Variants in SANBR observed in about 807,000 individuals in gnomAD.
The protein encoded by SANBR is SANT and BTB domain regulator of CSR, also known as SANT and BTB domain regulator of class switch recombination.
SANBR carries 77 observed loss-of-function variants against 101.8 expected under a neutral mutation model. That is an observed-to-expected ratio of 0.76 (90% CI 0.63 to 0.91). SANBR has a LOEUF of 0.91. Ranked by LOEUF, SANBR falls within the 40% of genes least tolerant of loss-of-function variation. The pLI is 0.00. For synonymous variants in SANBR, 279 were observed against 274.7 expected (o/e 1.02, Z -0.15); for missense variants, 875 against 853.0 (o/e 1.03, Z -0.32).
intron 16 of SANBR, among the ~76,000 whole-genome samples, 182 bp downstream of exon 16, chr2:61,109,478 C>T (rs542633104): frequency 6.6e-6 from 1 of 152,088 alleles, no homozygotes. Flanking sequence ...ATACTCAAAG[C>T]TGTAAAGAAA....
chr2:61,119,560 G>A (rs1684238344), intron 20 of SANBR, among the ~76,000 whole-genome samples: 1 of 152,014 alleles, frequency 6.6e-6, no homozygotes, highest in African/African-American at 2.4e-5. Context: ...ATGGGCAAAA[G>A]AGTAAACAGA....
intron 8 of SANBR, among the ~76,000 whole-genome samples, chr2:61,084,915 GGA>G (rs766616415): frequency 3.6e-4 from 55 of 152,180 alleles, no homozygotes; most frequent in Non-Finnish European, 4.9e-4. Context: ...AATGATGTGG[GGA>G]GAGAGAGAGG....
At chr2:61,126,342 C>CG (rs1237072497), downstream of SANBR, among the ~76,000 whole-genome samples, 2 of 152,182 alleles carry the variant, frequency 1.3e-5, no homozygotes, top group Admixed American at 6.5e-5. Flanking sequence ...CAGTTATTAA[C>CG]ATCTTTTTCA....
intron 1 of SANBR, among the ~76,000 whole-genome samples, chr2:61,067,015 C>T (rs1274771253): frequency 1.3e-5 from 2 of 151,934 alleles, no homozygotes; most frequent in South Asian, 2.1e-4. Context: ...TTCTTGTCAC[C>T]GTTTTTGATA....
intron 16 of SANBR, among the ~76,000 whole-genome samples, chr2:61,113,183 T>C (rs1050480458): frequency 1.3e-5 from 2 of 152,242 alleles, no homozygotes; most frequent in Non-Finnish European, 2.9e-5. Context: ...TTGATTCTTA[T>C]GTCTTTCTTT....
chr2:61,109,156 AT>A (rs1429822869), intron 15 of SANBR, 40 bp from the exon 16 acceptor site: 1 of 1,015,018 alleles, frequency 9.9e-7, no homozygotes, highest in Non-Finnish European at 1.4e-6. Context: ...TCAATAAAAA[AT>A]CATAATATTA....
At chr2:61,126,811 C>T, downstream of SANBR, among the ~76,000 whole-genome samples, 1 of 151,322 alleles carries the variant, frequency 6.6e-6, no homozygotes, top group Admixed American at 6.6e-5. Flanking sequence ...TACACTAGTC[C>T]TACATGGCCT....
At chr2:61,137,133 C>T (rs1410083611) in intron 21 of SANBR, among the ~76,000 whole-genome samples, 2 of 151,680 alleles carry the variant, frequency 1.3e-5, no homozygotes, top group South Asian at 2.1e-4. Context: ...AAAAAATTAG[C>T]GGGGCATGGT....
downstream of SANBR, among the ~76,000 whole-genome samples, chr2:61,126,769 C>CAAA (rs34858449): frequency 1.6e-4 from 17 of 109,168 alleles, no homozygotes; most frequent in Admixed American, 1.5e-3. Context: ...GCCACTGTCT[C>CAAA]AAAAAAAAAA....
chr2:61,071,838 T>C, intron 4 of SANBR, 46 bp downstream of exon 4: 2 of 1,200,160 alleles, frequency 1.7e-6, no homozygotes, highest in South Asian at 2.8e-5. Context: ...ATGAAAATTC[T>C]GCAGAATATT....
intron 20 of SANBR, among the ~76,000 whole-genome samples, chr2:61,131,638 C>G (rs1449280617): frequency 6.6e-6 from 1 of 152,194 alleles, no homozygotes; most frequent in Non-Finnish European, 1.5e-5. Flanking sequence ...ACCACAGTCT[C>G]TAGCAGAGAG....
rs531589931 is a variant in SANBR, at chr2:61,070,087, A to G, written c.-9-255A>G. Among the ~76,000 whole-genome samples, 39 of 152,336 alleles carry G rather than the reference A, an allele frequency of 2.6e-4. 1 individual carries two copies. In the South Asian group the frequency reaches 7.9e-3, roughly 31 times the overall value. Reference sequence around the variant, plus strand: ...ACTCTGTCTCTAAAGAAAAAAAGATAAAAAATATTTTAGGCTTTTTATCGT... The same window carrying G: ...ACTCTGTCTCTAAAGAAAAAAAGATGAAAAATATTTTAGGCTTTTTATCGT... On this transcript the variant is annotated intron_variant, in intron 2 of 21. Coordinates refer to ENST00000402291, the MANE Select transcript of SANBR (RefSeq NM_001129993.3).
At chr2:61,107,512 C>T (rs1683629886) in intron 14 of SANBR, among the ~76,000 whole-genome samples, 1 of 152,168 alleles carries the variant, frequency 6.6e-6, no homozygotes, top group South Asian at 2.1e-4. Flanking sequence ...ATATATTTGC[C>T]TATGAATGTT....
chr2:61,115,580 A>T (rs1684038823), intron 16 of SANBR, among the ~76,000 whole-genome samples: 1 of 152,176 alleles, frequency 6.6e-6, no homozygotes, highest in South Asian at 2.1e-4. Context: ...ACAAATCTGT[A>T]AGGAAAAATA....
chr2:61,108,927 A>G (rs548763938), intron 15 of SANBR, among the ~76,000 whole-genome samples: 4 of 152,334 alleles, frequency 2.6e-5, no homozygotes, highest in Admixed American at 1.3e-4. Flanking sequence ...TACTTGAGTG[A>G]TAGAGGTACA....
downstream of SANBR, among the ~76,000 whole-genome samples, chr2:61,126,769 C>CAAAAAAAAA (rs34858449): frequency 9.2e-6 from 1 of 109,176 alleles, no homozygotes. Context: ...GCCACTGTCT[C>CAAAAAAAAA]AAAAAAAAAA....
chr2:61,123,539 A>G lies in SANBR; in HGVS notation c.*1377A>G, dbSNP rs1559149644. 2.1e-6 allele frequency: 2 copies of G among 968,236 alleles called. No individual in the cohort carries two copies. The highest frequency in any genetic ancestry group is 2.5e-6 in the Non-Finnish European group (2 of 814,398). 60.0% of individuals were successfully genotyped at this position (968,236 alleles called of 1,614,324 possible). On this transcript the variant is annotated 3_prime_UTR_variant, in exon 22 of 22. Transcript: ENST00000402291. Reference sequence around the variant, plus strand: ...AATAGACTTTTATTTTCGAAAGAAAATGTCTTGTAGTACATATTATATGTA... The same window carrying G: ...AATAGACTTTTATTTTCGAAAGAAAGTGTCTTGTAGTACATATTATATGTA...
Position 61,121,292 on chromosome 2 carries a change from C to T in SANBR, c.2120+16C>T, listed in dbSNP as rs528860070. On this transcript the variant is annotated intron_variant, in intron 21 of 21. Coordinates refer to ENST00000402291, the MANE Select transcript of SANBR (RefSeq NM_001129993.3). The stretch of plus-strand genomic sequence containing the variant: ...AAAACACAAGGTAAATCAGCATAAA[C>T]TAAACCAGAGTGTCAGTGGCTTTGA... 3.4e-4 allele frequency: 521 copies of T among 1,539,816 alleles called. 3 individuals carry two copies. In the Middle Eastern group the frequency reaches 4.0e-3, roughly 12 times the overall value.
At chr2:61,084,360 T>A (rs1348298821) in intron 8 of SANBR, among the ~76,000 whole-genome samples, 1 of 152,202 alleles carries the variant, frequency 6.6e-6, no homozygotes, top group African/African-American at 2.4e-5. Context: ...AGATAAAAAT[T>A]AGTAATTAGT....
Sources: gnomAD v4.1 joint callset for allele counts (sites outside exome capture counted in the v4.1 genomes callset) on GRCh38, gnomAD v4.1.1 for gene constraint, MANE v1.5 for transcripts, NCBI Gene and HGNC (gene_info 2026-07-23, HGNC 2026-07-21) for gene names.